Variants in CD200R1 observed in about 807,000 individuals in gnomAD.
The protein encoded by CD200R1 is CD200 receptor 1.
Under a neutral mutation model 38.1 loss-of-function variants are expected in CD200R1, and 30 were observed. The observed-to-expected ratio is 0.79, with a 90% confidence interval of 0.59 to 1.07. The LOEUF (loss-of-function observed/expected upper bound fraction) is 1.07, where lower values mean the gene tolerates loss of function less well. Among genes scored for constraint, CD200R1 ranks in the 50% least tolerant of loss-of-function variants. The pLI is 0.00. For missense variants in CD200R1, 372 were observed against 415.4 expected (o/e 0.90, Z 0.91); for synonymous variants, 128 against 152.1 (o/e 0.84, Z 1.16).
chr3:112,969,107 T>C (rs1933236299), intron 1 of CD200R1, among the ~76,000 whole-genome samples: 1 of 151,392 alleles, frequency 6.6e-6, no homozygotes, highest in Admixed American at 6.6e-5. Flanking sequence ...CACAGAAAAA[T>C]CTCAGCAGAG....
At chr3:112,945,903 C>CT (rs1940840715) in intron 2 of CD200R1, among the ~76,000 whole-genome samples, 1 of 152,160 alleles carries the variant, frequency 6.6e-6, no homozygotes, top group South Asian at 2.1e-4. Context: ...TAGCTGGCGC[C>CT]TGTAGTCCCA....
chr3:112,929,232 G>A lies in CD200R1; in HGVS notation c.478C>T (p.Pro160Ser), dbSNP rs755378062. The A allele has an allele frequency of 3.7e-6, 6 of 1,614,144 alleles. No individual in the cohort carries two copies. In the South Asian group the frequency reaches 4.4e-5, roughly 12 times the overall value. The change falls in exon 4 of 8, where the codon CCT (proline) becomes TCT (serine). Residue 160 changes from proline (P) to serine (S), a missense_variant. Transcript: ENST00000308611. ...TATCCACGATGGAAATTCCCATCAGGTGTTACCATTATGCATCTGTAATAC... is the reference window on the plus strand; with the variant it reads ...TATCCACGATGGAAATTCCCATCAGATGTTACCATTATGCATCTGTAATAC... ...DGYYRCIMVT[P>S]DGNFHRGYHL...
At chr3:112,925,785 A>G (rs1940267224) in intron 5 of CD200R1, among the ~76,000 whole-genome samples, 1 of 152,096 alleles carries the variant, frequency 6.6e-6, no homozygotes, top group African/African-American at 2.4e-5. Flanking sequence ...AAATAAAGTT[A>G]TCTATATTTA....
At chr3:112,960,971 GT>G (rs1421822729) in intron 1 of CD200R1, among the ~76,000 whole-genome samples, 3 of 151,990 alleles carry the variant, frequency 2.0e-5, no homozygotes, top group Non-Finnish European at 4.4e-5. Context: ...TATGTTTCAT[GT>G]TCCGACACTT....
Position 112,923,402 on chromosome 3 carries a change from T to C in CD200R1, c.*275A>G, listed in dbSNP as rs555132111. 9.4e-4 allele frequency: 198 copies of C among 211,634 alleles called. No individual in the cohort carries two copies. The highest frequency in any genetic ancestry group is 3.6e-3 in the Admixed American group (62 of 17,306). 13.1% of individuals were successfully genotyped at this position (211,634 alleles called of 1,614,324 possible). A position where few individuals can be genotyped will look rare whatever the true frequency, so the allele number is the denominator to read the frequency against. Reference sequence around the variant, plus strand: ...GTTATTTCTTGAGGAAATTTGGTTTTCATTATTTACTGTCCTGCACAATTT... The same window carrying C: ...GTTATTTCTTGAGGAAATTTGGTTTCCATTATTTACTGTCCTGCACAATTT... On this transcript the variant is annotated 3_prime_UTR_variant, in exon 8 of 8. Coordinates refer to ENST00000308611, the MANE Select transcript of CD200R1 (RefSeq NM_138806.4).
chr3:112,968,311 C>T (rs1332014647), intron 1 of CD200R1, among the ~76,000 whole-genome samples: 1 of 152,058 alleles, frequency 6.6e-6, no homozygotes, highest in Non-Finnish European at 1.5e-5. Context: ...ACAATATAAC[C>T]ACTAAGTCAA....
At chr3:112,944,432 T>C (rs6784838) in intron 2 of CD200R1, among the ~76,000 whole-genome samples, 92,500 of 151,676 alleles carry the variant, frequency 0.61, 28,676 homozygotes, top group African/African-American at 0.72. Context: ...AAATTTAACA[T>C]TCATTTATGA....
intron 1 of CD200R1, among the ~76,000 whole-genome samples, chr3:112,970,231 T>A (rs907624183): frequency 3.9e-5 from 6 of 152,138 alleles, no homozygotes; most frequent in Non-Finnish European, 5.9e-5. Flanking sequence ...TGGAACTTTT[T>A]GGTATTGCTT....
chr3:112,967,466 G>A (rs1215355537), intron 1 of CD200R1, among the ~76,000 whole-genome samples: 1 of 152,176 alleles, frequency 6.6e-6, no homozygotes, highest in African/African-American at 2.4e-5. Flanking sequence ...ACATTTCTAT[G>A]TCACCCTATA....
In CD200R1 at chr3:112,923,819, T is replaced by TA. The variant is rs1940222855; in HGVS notation, c.925-21dup. 1 of 1,452,340 alleles carries TA rather than the reference T, an allele frequency of 6.9e-7. No homozygotes were observed. The highest frequency in any genetic ancestry group is 9.5e-7 in the Non-Finnish European group (1 of 1,054,904). 90.0% of individuals were successfully genotyped at this position (1,452,340 alleles called of 1,614,324 possible). On this transcript the variant is annotated intron_variant, in intron 7 of 7. Transcript: ENST00000308611. ...TTCATCCTAAGAAAGAACTCAAAGT[T>TA]AAAATCAATTCAAAAAATCATCATA...
chr3:112,959,183 T>C (rs1932949147), intron 1 of CD200R1, among the ~76,000 whole-genome samples: 1 of 152,204 alleles, frequency 6.6e-6, no homozygotes, highest in African/African-American at 2.4e-5. Flanking sequence ...AGAGCAAGTA[T>C]TATACCATAC....
chr3:112,944,088 T>C (rs1255040268), intron 2 of CD200R1, among the ~76,000 whole-genome samples: 1 of 151,916 alleles, frequency 6.6e-6, no homozygotes, highest in Non-Finnish European at 1.5e-5. Flanking sequence ...ATACCAGCTC[T>C]CCTTAATCTC....
At chr3:112,972,118 C>A (rs983241104) in intron 1 of CD200R1, among the ~76,000 whole-genome samples, 1 of 152,074 alleles carries the variant, frequency 6.6e-6, no homozygotes, top group Non-Finnish European at 1.5e-5. Flanking sequence ...TTAATAAGGA[C>A]TTTTAATTAA....
At chr3:112,932,989 G>A (rs895163333) in intron 2 of CD200R1, among the ~76,000 whole-genome samples, 7 of 152,056 alleles carry the variant, frequency 4.6e-5, no homozygotes, top group East Asian at 1.9e-4. Context: ...AACAGCCAGC[G>A]GGCCCCTACT....
intron 2 of CD200R1, among the ~76,000 whole-genome samples, chr3:112,947,393 T>C (rs1242468612): frequency 1.3e-5 from 2 of 152,128 alleles, no homozygotes; most frequent in Admixed American, 6.5e-5. Flanking sequence ...GCAGAGGTCA[T>C]AGGGGAAATT....
chr3:112,932,330 T>C (rs1032947744), intron 2 of CD200R1, among the ~76,000 whole-genome samples: 2 of 151,932 alleles, frequency 1.3e-5, no homozygotes, highest in Non-Finnish European at 2.9e-5. Flanking sequence ...CAATCCCCTC[T>C]CCCCACACTT....
chr3:112,963,031 C>T (rs561653600), intron 1 of CD200R1, among the ~76,000 whole-genome samples: 5 of 152,272 alleles, frequency 3.3e-5, no homozygotes, highest in South Asian at 2.1e-4. Context: ...CAAGATCTGA[C>T]GGTTTTAAAA....
At chr3:112,940,119 C>G (rs1559948996) in intron 2 of CD200R1, among the ~76,000 whole-genome samples, 1 of 151,544 alleles carries the variant, frequency 6.6e-6, no homozygotes, top group Non-Finnish European at 1.5e-5. Flanking sequence ...TATTCATATG[C>G]AGAAGAATGA....
At chr3:112,974,127 C>T (rs1933375883) in intron 1 of CD200R1, among the ~76,000 whole-genome samples, 1 of 151,734 alleles carries the variant, frequency 6.6e-6, no homozygotes, top group Non-Finnish European at 1.5e-5. Context: ...GCGTTCTTAT[C>T]TTAAAAAAAA....
Sources: allele counts gnomAD v4.1 joint callset (sites outside exome capture counted in the v4.1 genomes callset), GRCh38; gene constraint gnomAD v4.1.1; transcripts MANE v1.5; gene names NCBI Gene and HGNC (gene_info 2026-07-23, HGNC 2026-07-21).